Variants in INCENP observed in about 807,000 individuals in gnomAD.
The protein encoded by INCENP is binds and activates aurora-B and -C in vivo and in vitro.
INCENP carries 43 observed loss-of-function variants against 107.3 expected under a neutral mutation model. That is an observed-to-expected ratio of 0.40 (90% CI 0.31 to 0.52). The LOEUF is 0.52. INCENP is among the 20% of genes least tolerant of loss of function. The pLI is 0.53. For synonymous variants in INCENP, 488 were observed against 494.4 expected (o/e 0.99, Z 0.17); for missense variants, 1,089 against 1,250.9 (o/e 0.87, Z 1.95).
intron 4 of INCENP, among the ~76,000 whole-genome samples, chr11:62,135,260 GTTTTT>G (rs113510338): frequency 2.0e-5 from 3 of 150,688 alleles, no homozygotes. Flanking sequence ...ACTTTGTTTT[GTTTTT>G]TTTTGTTTTG....
rs1944405388 is a variant in INCENP, at chr11:62,152,864, G to A, written c.*888G>A. ...TTAGAACCAATGAAAGCTGGCTGTG[G>A]TCCTGCCTGTGAGCTGCCTACTGCT... On this transcript the variant is annotated 3_prime_UTR_variant, in exon 19 of 19. Coordinates refer to ENST00000394818, the MANE Select transcript of INCENP (RefSeq NM_001040694.2). 6.6e-6 allele frequency: 1 copy of A among 152,238 alleles called. No homozygotes were observed. Among genetic ancestry groups the A allele is most frequent in the Non-Finnish European group, 1.5e-5 (1 of 68,052 alleles). The allele number at this position is 152,238 out of a possible 1,614,324, so 9.4% of individuals were successfully genotyped here.
chr11:62,141,195 C>A, intron 10 of INCENP, 151 bp downstream of exon 10: 1 of 1,094,666 alleles, frequency 9.1e-7, no homozygotes, highest in Non-Finnish European at 1.3e-6. Context: ...GCCTCTGTGG[C>A]CACCGGCTGT....
chr11:62,129,136 G>A (rs1943822493), intron 3 of INCENP, among the ~76,000 whole-genome samples: 1 of 152,186 alleles, frequency 6.6e-6, no homozygotes, highest in African/African-American at 2.4e-5. Flanking sequence ...TCTGGGCCCT[G>A]GAGAATGGGA....
Position 62,140,805 on chromosome 11 carries a change from C to T in INCENP, c.1445C>T (p.Pro482Leu), listed in dbSNP as rs755479360. The change falls in exon 9 of 19, where the codon CCC becomes CTC. Residue 482 changes from proline (P) to leucine (L), a missense_variant. Physicochemically the swap from Pro to Leu is moderately conservative, Grantham distance 98 (BLOSUM62 -3). Transcript: ENST00000394818. ...CCCAGGAGCAAGACCCCTTCCTCAC[C>T]CTGCCCAGCCAGCAAGGTGAGCCAG... is the stretch of plus-strand genomic sequence containing the variant. ...QPPRSKTPSS[P>L]CPASKVVRPL... The T allele has an allele frequency of 2.5e-6, 4 of 1,613,312 alleles. No homozygotes were observed. The highest frequency in any genetic ancestry group is 1.1e-5 in the South Asian group (1 of 91,042).
At chr11:62,137,391 C>T (rs1944015273) in intron 4 of INCENP, among the ~76,000 whole-genome samples, 1 of 152,216 alleles carries the variant, frequency 6.6e-6, no homozygotes, top group African/African-American at 2.4e-5. Flanking sequence ...GTTATCTAGA[C>T]CAGATGGTGG....
In INCENP at chr11:62,140,911, A is replaced by C; in HGVS notation, c.1462-2A>C. 1 of 1,614,146 alleles carries C rather than the reference A, an allele frequency of 6.2e-7. No homozygotes were observed. Among genetic ancestry groups the C allele is most frequent in the East Asian group, 2.2e-5 (1 of 44,882 alleles). ...ACTTCTGACCCTGGTCCTCGTCTGC[A>C]GGTGGTACGGCCCCTCCGGACCTTT... is the stretch of plus-strand genomic sequence containing the variant. On this transcript the variant is annotated splice_acceptor_variant, in intron 9 of 18. Transcript: ENST00000394818. LOFTEE classifies it high-confidence loss of function.
chr11:62,130,427 T>C lies in INCENP; in HGVS notation c.900T>C (p.Ser300=). ...CGCCCACGGGCTCTCGCACGGACTC[T>C]CAATCGGTGCGGCACAGCCCGATCG... is the stretch of plus-strand genomic sequence containing the variant. ...FSTPTGSRTD[S]QSVRHSPIAP... The change falls in exon 4 of 19, where the codon TCT becomes TCC. Residue 300 remains serine (S), a synonymous_variant. Coordinates refer to ENST00000394818, the MANE Select transcript of INCENP (RefSeq NM_001040694.2). 6.2e-7 allele frequency: 1 copy of C among 1,613,874 alleles called. No individual in the cohort carries two copies. The highest frequency in any genetic ancestry group is 8.5e-7 in the Non-Finnish European group (1 of 1,180,024).
At position 62,139,043 on chromosome 11, in the gene INCENP, C is replaced by T. The variant is rs200794834; in HGVS notation, c.1291+38C>T. 10 of 1,451,432 alleles carry T rather than the reference C, an allele frequency of 6.9e-6. No homozygotes were observed. The East Asian group carries it at 2.0e-4, about 30-fold the overall frequency. The allele number at this position is 1,451,432 out of a possible 1,614,324, so 89.9% of individuals were successfully genotyped here. A position where few individuals can be genotyped will look rare whatever the true frequency, so the allele number is the denominator to read the frequency against. The stretch of plus-strand genomic sequence containing the variant: ...GACCTGCCGTGTGCAGTGCCCGGAG[C>T]CACAGCGGGCCTTGGCGGCCTCGGC... On this transcript the variant is annotated intron_variant, in intron 7 of 18. Coordinates refer to ENST00000394818, the MANE Select transcript of INCENP (RefSeq NM_001040694.2).
intron 1 of INCENP, among the ~76,000 whole-genome samples, chr11:62,125,801 G>A (rs1326393389): frequency 6.6e-6 from 1 of 152,240 alleles, no homozygotes; most frequent in African/African-American, 2.4e-5. Context: ...ATTCAACGAT[G>A]AGCAAGACAG....
intron 17 of INCENP, 51 bp downstream of exon 17, chr11:62,148,897 A>C: frequency 1.7e-6 from 2 of 1,205,822 alleles, no homozygotes; most frequent in South Asian, 2.8e-5. Context: ...GGCCCACTCT[A>C]TTCTCTTCCC....
chr11:62,147,977 C>T (rs561835538), intron 15 of INCENP, among the ~76,000 whole-genome samples: 1 of 152,208 alleles, frequency 6.6e-6, no homozygotes, highest in East Asian at 1.9e-4. Flanking sequence ...TGGGAGCCAT[C>T]AGCTCCACTT....
At chr11:62,128,425 T>C (rs1391827685) in intron 2 of INCENP, 124 bp downstream of exon 2, 2 of 1,008,336 alleles carry the variant, frequency 2.0e-6, no homozygotes, top group African/African-American at 3.2e-5. Context: ...CAGGGCTCCC[T>C]GCTGTATACT....
At chr11:62,146,553 T>C in intron 14 of INCENP, 105 bp from the exon 15 acceptor site, 1 of 1,484,544 alleles carries the variant, frequency 6.7e-7, no homozygotes, top group Admixed American at 2.2e-5. Flanking sequence ...TTGTCCGTGG[T>C]GGTGGCTGAT....
At chr11:62,141,394 GCAGGCCC>G in intron 10 of INCENP, 99 bp from the exon 11 acceptor site, 1 of 1,441,902 alleles carries the variant, frequency 6.9e-7, no homozygotes, top group Non-Finnish European at 9.7e-7. Flanking sequence ...TGGCAGGAGG[GCAGGCCC>G]CACGCAGGCT....
chr11:62,130,218 A>G lies in INCENP; in HGVS notation c.691A>G (p.Ile231Val), dbSNP rs1179499457. ...GTCGAAGGCCAGGATACTGGAGTCC[A>G]TCACAGTGAGCTCCCTGATGGCTAC... ...KKSKARILESITVSSLMATPQ... is the reference protein window; with the variant it reads ...KKSKARILESVTVSSLMATPQ... The change falls in exon 4 of 19, where the codon ATC becomes GTC. Residue 231 changes from isoleucine to valine, a missense_variant. Physicochemically the swap from Ile to Val is conservative, Grantham distance 29 (BLOSUM62 3). Transcript: ENST00000394818. 1 of 1,613,958 alleles carries G rather than the reference A, an allele frequency of 6.2e-7. No homozygotes were observed. The highest frequency in any genetic ancestry group is 8.5e-7 in the Non-Finnish European group (1 of 1,180,040).
rs1003658683 is a variant in INCENP, at chr11:62,137,843, C to T, written c.1075C>T (p.Leu359=). The T allele has an allele frequency of 6.8e-6, 11 of 1,614,018 alleles. No individual in the cohort carries two copies. Among genetic ancestry groups the T allele is most frequent in the Non-Finnish European group, 9.3e-6 (11 of 1,179,996 alleles). ...ASGRIICHSY[L]ERLLNVEVPQ... ...CTTTTCCCCCTCAGGTCACAGTTAC[C>T]TGGAGAGGCTCCTGAATGTTGAGGT... Residue 359 remains leucine (L), a synonymous_variant, in exon 5 of 19, where the codon CTG becomes TTG. Coordinates refer to ENST00000394818, the MANE Select transcript of INCENP (RefSeq NM_001040694.2).
Position 62,130,550 on chromosome 11 carries a change from GA to G in INCENP, c.1025del (p.Lys342ArgfsTer22). ...GCAGGGCGAGCAGAAGGCTTGCCAA[GA>G]AGACTGCCGAAGAGCCAGCTGCCTC... ...VRRASRRLAK[K>X]TAEEPAASGR... On this transcript the variant is annotated frameshift_variant, in exon 4 of 19. Transcript: ENST00000394818. 6.2e-7 allele frequency: 1 copy of G among 1,613,668 alleles called. No individual in the cohort carries two copies. The highest frequency in any genetic ancestry group is 8.5e-7 in the Non-Finnish European group (1 of 1,179,918).
chr11:62,147,005 G>C, intron 15 of INCENP, 103 bp downstream of exon 15: 1 of 1,528,810 alleles, frequency 6.5e-7, no homozygotes. Context: ...ACGGTTTGCA[G>C]GTGCTTTCCT....
rs1412197626 is a variant in INCENP at position 62,140,900 on chromosome 11, T to C, written c.1462-13T>C. The C allele has an allele frequency of 6.2e-7, 1 of 1,614,068 alleles. No homozygotes were observed. Among genetic ancestry groups the C allele is most frequent in the African/African-American group, 1.3e-5 (1 of 75,068 alleles). ...CCCGCCTGCCCACTTCTGACCCTGG[T>C]CCTCGTCTGCAGGTGGTACGGCCCC... On this transcript the variant is annotated splice_polypyrimidine_tract_variant and intron_variant, in intron 9 of 18. Transcript: ENST00000394818.
Sources: allele counts gnomAD v4.1 joint callset (sites outside exome capture counted in the v4.1 genomes callset), GRCh38; gene constraint gnomAD v4.1.1; transcripts MANE v1.5; gene names NCBI Gene and HGNC (gene_info 2026-07-23, HGNC 2026-07-21).